The following RIN2 variants were observed in gnomAD, a reference collection of about 807,000 sequenced individuals.
RIN2 encodes the protein RAB5 interacting protein 2.
Under a neutral mutation model 78.0 loss-of-function variants are expected in RIN2, and 36 were observed. That is an observed-to-expected ratio of 0.46 (90% CI 0.35 to 0.61). The LOEUF (loss-of-function observed/expected upper bound fraction) is 0.61, where lower values mean the gene tolerates loss of function less well. Among genes scored for constraint, RIN2 ranks in the 20% least tolerant of loss-of-function variants. RIN2 has a pLI of 0.00. For synonymous variants in RIN2, 466 were observed against 466.8 expected, an observed-to-expected ratio of 1.00 and a Z score of 0.02; for missense variants, 1,087 against 1,159.7, an observed-to-expected ratio of 0.94 and a Z score of 0.91.
chr20:19,802,690 C>G (rs952325728), intron 2 of RIN2, among the ~76,000 whole-genome samples: 2 of 152,066 alleles, frequency 1.3e-5, no homozygotes, highest in African/African-American at 4.8e-5. Context: ...ATTTTTAATA[C>G]CAACTGAGTG....
chr20:19,851,868 A>G (rs73605545), intron 2 of RIN2, among the ~76,000 whole-genome samples: 8,090 of 152,256 alleles, frequency 0.053, 240 homozygotes, highest in South Asian at 0.11. Flanking sequence ...ACTCAGAGGT[A>G]TACAACAACA....
At chr20:19,986,502 A>C (rs990343375) in intron 9 of RIN2, among the ~76,000 whole-genome samples, 4 of 152,228 alleles carry the variant, frequency 2.6e-5, no homozygotes, top group Non-Finnish European at 5.9e-5. Flanking sequence ...CCTAGGTTTC[A>C]ACCCTCCTAA....
intron 2 of RIN2, among the ~76,000 whole-genome samples, chr20:19,857,634 T>A (rs1254254606): frequency 6.6e-6 from 1 of 152,134 alleles, no homozygotes; most frequent in Non-Finnish European, 1.5e-5. Flanking sequence ...GTATGATCAG[T>A]CTTTTAAATT....
intron 5 of RIN2, among the ~76,000 whole-genome samples, chr20:19,960,399 G>A (rs945238705): frequency 6.6e-6 from 1 of 152,178 alleles, no homozygotes; most frequent in Admixed American, 6.5e-5. Flanking sequence ...GCTGGAGACC[G>A]TAACTCCAGC....
At chr20:19,784,262 T>TA (rs2034601044) in intron 1 of RIN2, among the ~76,000 whole-genome samples, 3 of 152,314 alleles carry the variant, frequency 2.0e-5, no homozygotes, top group African/African-American at 7.2e-5. Flanking sequence ...TGGCTGATGA[T>TA]ATCTAAGAAT....
chr20:19,774,440 G>A (rs570991871), intron 1 of RIN2, among the ~76,000 whole-genome samples: 73 of 152,142 alleles, frequency 4.8e-4, no homozygotes, highest in African/African-American at 1.0e-3. Flanking sequence ...GAGAAGAAGC[G>A]GGAAAAAGAT....
At chr20:19,760,153 C>T (rs1050941885) in intron 1 of RIN2, among the ~76,000 whole-genome samples, 1 of 152,210 alleles carries the variant, frequency 6.6e-6, no homozygotes, top group African/African-American at 2.4e-5. Flanking sequence ...CATGCACTCC[C>T]GTGCTTTGGC....
chr20:19,971,735 ATTTTTTTTT>A (rs61019165), intron 8 of RIN2, among the ~76,000 whole-genome samples: 1 of 91,540 alleles, frequency 1.1e-5, no homozygotes, highest in African/African-American at 5.0e-5. Context: ...TGAAACTGCA[ATTTTTTTTT>A]TTTTTTTTTT....
intron 4 of RIN2, among the ~76,000 whole-genome samples, chr20:19,939,358 A>T (rs2040772008): frequency 6.6e-6 from 1 of 152,066 alleles, no homozygotes; most frequent in South Asian, 2.1e-4. Flanking sequence ...TCTACCTTTA[A>T]ATAGATCCAG....
At chr20:19,816,083 C>T (rs1012974216) in intron 2 of RIN2, among the ~76,000 whole-genome samples, 1 of 152,168 alleles carries the variant, frequency 6.6e-6, no homozygotes, top group Non-Finnish European at 1.5e-5. Context: ...ATAGCTTGAA[C>T]CTTACTATAT....
chr20:19,900,723 G>T (rs1054996858), intron 3 of RIN2, among the ~76,000 whole-genome samples: 7 of 151,780 alleles, frequency 4.6e-5, no homozygotes, highest in African/African-American at 1.7e-4. Flanking sequence ...GTCCAAGGTG[G>T]GCAGATGTCC....
intron 3 of RIN2, among the ~76,000 whole-genome samples, chr20:19,914,065 C>T (rs940875284): frequency 6.6e-6 from 1 of 152,148 alleles, no homozygotes; most frequent in African/African-American, 2.4e-5. Flanking sequence ...CCAGAGTTTG[C>T]GGTCTAGGAG....
intron 1 of RIN2, among the ~76,000 whole-genome samples, chr20:19,769,377 G>C (rs2034026151): frequency 6.6e-6 from 1 of 152,246 alleles, no homozygotes; most frequent in African/African-American, 2.4e-5. Context: ...ACTAGGTCAG[G>C]GCACAGCACA....
intron 4 of RIN2, among the ~76,000 whole-genome samples, chr20:19,953,835 GT>G (rs1324693595): frequency 6.6e-6 from 1 of 151,860 alleles, no homozygotes; most frequent in Non-Finnish European, 1.5e-5. Flanking sequence ...ACTTTGAAGA[GT>G]ATGTTTTTTT....
intron 3 of RIN2, among the ~76,000 whole-genome samples, chr20:19,921,529 C>G (rs1423017127): frequency 1.3e-5 from 2 of 152,274 alleles, no homozygotes; most frequent in East Asian, 3.9e-4. Context: ...AGGGACTGCT[C>G]TGAGCTGAGG....
intron 2 of RIN2, among the ~76,000 whole-genome samples, chr20:19,811,483 G>A (rs910446900): frequency 5.9e-5 from 9 of 152,116 alleles, no homozygotes; most frequent in African/African-American, 1.4e-4. Context: ...AGAGACTCAC[G>A]GGTACCTGCA....
intron 2 of RIN2, among the ~76,000 whole-genome samples, chr20:19,881,355 T>A (rs1194190532): frequency 6.6e-6 from 1 of 152,132 alleles, no homozygotes. Context: ...TGCGCATCAC[T>A]AACTAAAGGG....
intron 3 of RIN2, among the ~76,000 whole-genome samples, chr20:19,928,741 C>T (rs574138970): frequency 9.9e-5 from 15 of 152,190 alleles, no homozygotes; most frequent in East Asian, 1.9e-4. Flanking sequence ...GAATGCAGGA[C>T]GAGGGAGTGG....
At chr20:19,946,799 G>A (rs1412495645) in intron 4 of RIN2, among the ~76,000 whole-genome samples, 2 of 151,456 alleles carry the variant, frequency 1.3e-5, no homozygotes, top group Admixed American at 6.6e-5. Flanking sequence ...GGGAGGCCGA[G>A]GTGGGTGGAT....
Sources: allele counts gnomAD v4.1 joint callset (sites outside exome capture counted in the v4.1 genomes callset), GRCh38; gene constraint gnomAD v4.1.1; transcripts MANE v1.5; gene names NCBI Gene and HGNC (gene_info 2026-07-23, HGNC 2026-07-21).